VIPR2: variants seen among roughly 807,000 people sequenced by gnomAD.
VIPR2 encodes the protein vasoactive intestinal peptide receptor 2.
VIPR2 carries 48 observed loss-of-function variants against 58.0 expected under a neutral mutation model. The observed-to-expected ratio is 0.83, with a 90% CI of 0.66 to 1.05. The LOEUF is 1.05. VIPR2 is among the 50% of genes least tolerant of loss of function. The pLI, the probability that VIPR2 is intolerant of heterozygous loss-of-function variation, is 0.00. For synonymous variants in VIPR2, 243 were observed against 235.2 expected (o/e 1.03, Z -0.30); for missense variants, 534 against 558.0 (o/e 0.96, Z 0.43).
At chr7:159,041,555 AGGGTCCTGAGGGTCTGTCAT>A (rs780463311) in intron 6 of VIPR2, among the ~76,000 whole-genome samples, 45 of 18,578 alleles carry the variant, frequency 2.4e-3, no homozygotes, top group Non-Finnish European at 3.2e-3. Context: ...AGGGTCCGTC[AGGGTCCTGAGGGTCTGTCAT>A]GGGTCCTGAG....
Position 159,043,183 on chromosome 7 carries a change from T to TG in VIPR2, c.456-8dup, listed in dbSNP as rs778168810. On this transcript the variant is annotated splice_polypyrimidine_tract_variant and splice_region_variant and intron_variant, in intron 5 of 12. Coordinates refer to ENST00000262178, the MANE Select transcript of VIPR2 (RefSeq NM_003382.5). ...CCTGGTGCAGTGCAGCTTCCTGAGG[T>TG]GGGGGAGTGGGAGAGAGAGGAATTG... The TG allele has an allele frequency of 3.9e-5, 55 of 1,395,854 alleles. No homozygotes were observed. The highest frequency in any genetic ancestry group is 8.2e-5 in the East Asian group (3 of 36,372). The allele number at this position is 1,395,854 out of a possible 1,614,324, so 86.5% of individuals were successfully genotyped here. A position where few individuals can be genotyped will look rare whatever the true frequency, so the allele number is the denominator to read the frequency against.
At chr7:159,133,291 C>A (rs1797060336) in intron 2 of VIPR2, among the ~76,000 whole-genome samples, 1 of 152,306 alleles carries the variant, frequency 6.6e-6, no homozygotes, top group Admixed American at 6.5e-5. Flanking sequence ...ACCCCCTAAA[C>A]ACGGCCCACG....
intron 4 of VIPR2, among the ~76,000 whole-genome samples, chr7:159,101,784 G>T (rs1045144109): frequency 7.2e-6 from 1 of 138,008 alleles, no homozygotes; most frequent in Non-Finnish European, 1.5e-5. Context: ...GACAGTGAAC[G>T]GGTCTCACGA....
intron 2 of VIPR2, among the ~76,000 whole-genome samples, chr7:159,114,254 C>T (rs1299177586): frequency 6.6e-6 from 1 of 151,866 alleles, no homozygotes; most frequent in Non-Finnish European, 1.5e-5. Context: ...TAGGAGTGTG[C>T]GCCGAGGCAC....
At chr7:159,094,656 C>T (rs530701231) in intron 4 of VIPR2, among the ~76,000 whole-genome samples, 30 of 152,246 alleles carry the variant, frequency 2.0e-4, no homozygotes, top group African/African-American at 6.3e-4. Flanking sequence ...CTGGTGGTGA[C>T]GTTTTAAAGA....
chr7:159,062,141 T>C (rs1855712928), intron 4 of VIPR2, among the ~76,000 whole-genome samples: 1 of 151,918 alleles, frequency 6.6e-6, no homozygotes, highest in Non-Finnish European at 1.5e-5. Context: ...AGGGACTTGA[T>C]GGGGGGCCCG....
chr7:159,110,761 C>A (rs1322707532), intron 2 of VIPR2, among the ~76,000 whole-genome samples: 4 of 152,138 alleles, frequency 2.6e-5, no homozygotes, highest in African/African-American at 9.7e-5. Context: ...GCCACCCAGA[C>A]CTGTGCAATA....
rs1227719776 is a variant in VIPR2, at chr7:159,096,324, T to A, written c.357+7433A>T. Reference sequence around the variant, plus strand: ...GATGGTCCATCCTGGGTCAGGCACGTACCTCCCCTCCTCCGGCATCGGCCA... The same window carrying A: ...GATGGTCCATCCTGGGTCAGGCACGAACCTCCCCTCCTCCGGCATCGGCCA... On this transcript the variant is annotated intron_variant, in intron 4 of 12. Coordinates refer to ENST00000262178, the MANE Select transcript of VIPR2 (RefSeq NM_003382.5). This position sits in a 1 kb window ranked among gnomAD's most constrained non-coding sequence, Gnocchi z 5.5. 6.6e-6 allele frequency among the ~76,000 whole-genome samples: 1 copy of A among 152,184 alleles called. No individual in the cohort carries two copies. Among genetic ancestry groups the A allele is most frequent in the Non-Finnish European group, 1.5e-5 (1 of 68,028 alleles).
intron 4 of VIPR2, among the ~76,000 whole-genome samples, chr7:159,075,275 C>T (rs1174246486): frequency 1.3e-5 from 2 of 152,202 alleles, no homozygotes; most frequent in African/African-American, 4.8e-5. Context: ...CAATTTTGAG[C>T]TTTATTTCTT....
At chr7:159,138,845 A>C (rs1797337964) in intron 2 of VIPR2, among the ~76,000 whole-genome samples, 1 of 151,074 alleles carries the variant, frequency 6.6e-6, no homozygotes, top group South Asian at 2.1e-4. Flanking sequence ...CATATTAGAT[A>C]TATATATGTA....
Position 159,031,852 on chromosome 7 carries a change from G to A in VIPR2, c.1119C>T (p.Val373=), listed in dbSNP as rs932026168. The change falls in exon 12 of 13, where the codon GTC becomes GTT. Residue 373 remains valine, a synonymous_variant. Transcript: ENST00000262178. The surrounding 1 kb of genome is among the most constrained non-coding windows in gnomAD (Gnocchi z 4.0). ...CCTCACTGTTCAGGAAACAGTAGAG[G>A]ACGGCCACCACCAGGCCCTGCAATG... ...LGSFQGLVVA[V]LYCFLNSEVQ... is the part of the protein sequence containing the mutation. 2 of 1,613,998 alleles carry A rather than the reference G, an allele frequency of 1.2e-6. No homozygotes were observed. Among genetic ancestry groups the A allele is most frequent in the Non-Finnish European group, 1.7e-6 (2 of 1,180,016 alleles).
At chr7:159,144,466 C>A (rs545852618) in intron 1 of VIPR2, 1 of 1,540,766 alleles carries the variant, frequency 6.5e-7, no homozygotes, top group Admixed American at 2.0e-5. Context: ...TCCAGCAAAC[C>A]CCGGACGGTG....
chr7:159,138,751 C>T (rs890118442), intron 2 of VIPR2, among the ~76,000 whole-genome samples: 11 of 152,242 alleles, frequency 7.2e-5, no homozygotes, highest in Non-Finnish European at 2.9e-5. Context: ...CCCAACTCTC[C>T]AGGGGCAACT....
At chr7:159,071,717 G>A (rs1173002719) in intron 4 of VIPR2, among the ~76,000 whole-genome samples, 1 of 152,244 alleles carries the variant, frequency 6.6e-6, no homozygotes, top group Admixed American at 6.5e-5. Context: ...ATACAAAGGA[G>A]CCATGAAAAG....
chr7:159,140,786 G>A (rs889660805), intron 2 of VIPR2, among the ~76,000 whole-genome samples: 8 of 152,208 alleles, frequency 5.3e-5, no homozygotes, highest in African/African-American at 1.4e-4. Context: ...CACACGGACT[G>A]CCCACTGAGG....
chr7:159,030,856 G>T, intron 12 of VIPR2, 67 bp from the exon 13 acceptor site: 3 of 1,410,478 alleles, frequency 2.1e-6, no homozygotes, highest in Non-Finnish European at 1.8e-6. Context: ...TATGGGAAGC[G>T]CGGCCCGCGA....
Position 159,030,003 on chromosome 7 carries a change from G to A in VIPR2, c.*613C>T, listed in dbSNP as rs1346292131. 6.6e-6 allele frequency: 1 copy of A among 152,170 alleles called. No homozygotes were observed. Among genetic ancestry groups the A allele is most frequent in the East Asian group, 1.9e-4 (1 of 5,178 alleles). 9.4% of individuals were successfully genotyped at this position (152,170 alleles called of 1,614,324 possible). A position where few individuals can be genotyped will look rare whatever the true frequency, so the allele number is the denominator to read the frequency against. Reference sequence around the variant, plus strand: ...ACGGATGTCACCCGGTGGTCGCCCAGGCTCGTGCTGGGCCACACAACTGCG... The same window carrying A: ...ACGGATGTCACCCGGTGGTCGCCCAAGCTCGTGCTGGGCCACACAACTGCG... On this transcript the variant is annotated 3_prime_UTR_variant, in exon 13 of 13. Coordinates refer to ENST00000262178, the MANE Select transcript of VIPR2 (RefSeq NM_003382.5).
At position 159,132,789 on chromosome 7, in the gene VIPR2, C is replaced by CCGATTGATTTG. The variant is rs1563354994; in HGVS notation, c.151+9656_151+9657insCAAATCAATCG. On this transcript the variant is annotated intron_variant, in intron 2 of 12. Transcript: ENST00000262178. The stretch of plus-strand genomic sequence containing the variant: ...GATTTCAGACAGAATGATTGGCATA[C>CCGATTGATTTG]AGACTGATTTCAGACAGAATGATTG... Among the ~76,000 whole-genome samples, 55 of 141,204 alleles carry CCGATTGATTTG rather than the reference C, an allele frequency of 3.9e-4. 3 individuals are homozygous for CCGATTGATTTG. The highest frequency in any genetic ancestry group is 1.8e-3 in the South Asian group (8 of 4,424). The allele number at this position is 141,204 out of a possible 152,430, so 92.6% of individuals were successfully genotyped here.
Position 159,095,118 on chromosome 7 carries a change from C to G in VIPR2, c.357+8639G>C, listed in dbSNP as rs1857752914. Among the ~76,000 whole-genome samples, 1 of 152,140 alleles carries G rather than the reference C, an allele frequency of 6.6e-6. No individual in the cohort carries two copies. Among genetic ancestry groups the G allele is most frequent in the Non-Finnish European group, 1.5e-5 (1 of 68,034 alleles). Reference sequence around the variant, plus strand: ...GGCTAGGGAGAGTTCCAGATTAAAGCCGGGGAGCCACCACAACCACACACA... The same window carrying G: ...GGCTAGGGAGAGTTCCAGATTAAAGGCGGGGAGCCACCACAACCACACACA... On this transcript the variant is annotated intron_variant, in intron 4 of 12. Transcript: ENST00000262178. The surrounding 1 kb of genome is among the most constrained non-coding windows in gnomAD (Gnocchi z 5.2).
Sources: allele counts gnomAD v4.1 joint callset (sites outside exome capture counted in the v4.1 genomes callset), GRCh38; gene constraint gnomAD v4.1.1; non-coding constraint Gnocchi (gnomAD v3.1); transcripts MANE v1.5; gene names NCBI Gene and HGNC (gene_info 2026-07-23, HGNC 2026-07-21).